LRRC4C: variants seen among roughly 807,000 people sequenced by gnomAD.
LRRC4C encodes the protein leucine rich repeat containing 4C.
In LRRC4C, 5 loss-of-function variants were observed where a neutral mutation model predicts 33.6. The ratio of observed to expected loss-of-function variants is 0.15; its 90% CI spans 0.08 to 0.31. LRRC4C has a LOEUF of 0.31. Among genes scored for constraint, LRRC4C ranks in the 10% least tolerant of loss-of-function variants. The probability of loss-of-function intolerance (pLI) is 1.00; values close to 1 mark genes in which losing one functional copy is unlikely to be tolerated. For synonymous variants in LRRC4C, 329 were observed against 302.0 expected, an observed-to-expected ratio of 1.09 and a Z score of -0.93; for missense variants, 560 against 796.7, an observed-to-expected ratio of 0.70 and a Z score of 3.58.
intron 2 of LRRC4C, among the ~76,000 whole-genome samples, chr11:40,658,648 A>G (rs1052233926): frequency 1.3e-5 from 2 of 152,178 alleles, no homozygotes; most frequent in East Asian, 1.9e-4. Flanking sequence ...AAGAAATTGT[A>G]TTCTCAGGAT....
rs576243940 is a variant in LRRC4C at position 41,178,967 on chromosome 11, C to T, written c.-495-245244G>A. The stretch of plus-strand genomic sequence containing the variant: ...CCACCCACCTCAGCCTCCCAAAGTG[C>T]TGGGATTACAAGCCTGAGCCACCGT... On this transcript the variant is annotated intron_variant, in intron 1 of 6. Coordinates refer to ENST00000528697, the MANE Select transcript of LRRC4C (RefSeq NM_001258419.2). Among the ~76,000 whole-genome samples the T allele has an allele frequency of 3.3e-5, 5 of 152,196 alleles. No individual in the cohort carries two copies. In the South Asian group the frequency reaches 1.0e-3, roughly 32 times the overall value.
intron 1 of LRRC4C, among the ~76,000 whole-genome samples, chr11:41,385,768 C>CA (rs1329858450): frequency 6.6e-6 from 1 of 151,278 alleles, no homozygotes; most frequent in African/African-American, 2.4e-5. Context: ...TAATCAAATT[C>CA]AAAAGAAACG....
At chr11:40,545,606 TC>T (rs1444688314) in intron 3 of LRRC4C, among the ~76,000 whole-genome samples, 4 of 151,952 alleles carry the variant, frequency 2.6e-5, no homozygotes, top group Non-Finnish European at 5.9e-5. Context: ...GGAAGACCCC[TC>T]TATTGCTGTG....
chr11:40,229,823 C>T (rs1865074639), intron 5 of LRRC4C, among the ~76,000 whole-genome samples: 1 of 152,142 alleles, frequency 6.6e-6, no homozygotes, highest in Admixed American at 6.6e-5. Context: ...GATAGTTTTG[C>T]ACCTTACACT....
intron 2 of LRRC4C, among the ~76,000 whole-genome samples, chr11:40,720,782 C>T (rs1379446882): frequency 1.3e-5 from 2 of 152,130 alleles, no homozygotes; most frequent in African/African-American, 4.8e-5. Flanking sequence ...CTGTTTAATT[C>T]ACAGAATAAA....
In LRRC4C at chr11:40,229,517, C is replaced by T. The variant is rs1017212437; in HGVS notation, c.-96+12002G>A. Among the ~76,000 whole-genome samples, 21 of 152,148 alleles carry T rather than the reference C, an allele frequency of 1.4e-4. 1 individual carries two copies. The highest frequency in any genetic ancestry group is 5.2e-4 in the Admixed American group (8 of 15,274). On this transcript the variant is annotated intron_variant, in intron 5 of 6. Coordinates refer to ENST00000528697, the MANE Select transcript of LRRC4C (RefSeq NM_001258419.2). ...TGAACTCCTGACCTCAAATAATCCACCCACCTCAGCCTCCCAAAGGGCTGG... is the reference window on the plus strand; with the variant it reads ...TGAACTCCTGACCTCAAATAATCCATCCACCTCAGCCTCCCAAAGGGCTGG...
chr11:41,351,178 A>G (rs2137569282), intron 1 of LRRC4C, among the ~76,000 whole-genome samples: 1 of 152,134 alleles, frequency 6.6e-6, no homozygotes, highest in East Asian at 1.9e-4. Context: ...GTCTTCAGTG[A>G]GCTATGTATG....
intron 1 of LRRC4C, among the ~76,000 whole-genome samples, chr11:41,437,213 C>T (rs571202442): frequency 3.0e-4 from 45 of 152,284 alleles, no homozygotes; most frequent in African/African-American, 9.1e-4. Context: ...TGATTCACCT[C>T]TGAAAATACA....
intron 3 of LRRC4C, among the ~76,000 whole-genome samples, chr11:40,462,212 C>G (rs547338443): frequency 8.5e-5 from 13 of 152,114 alleles, no homozygotes; most frequent in African/African-American, 3.1e-4. Flanking sequence ...ACTAAACATT[C>G]TTTCTATTCA....
At chr11:40,189,824 A>T (rs1350507365) in intron 5 of LRRC4C, among the ~76,000 whole-genome samples, 1 of 152,242 alleles carries the variant, frequency 6.6e-6, no homozygotes, top group African/African-American at 2.4e-5. Flanking sequence ...ACAACTTTTA[A>T]GGATAACATT....
Position 40,992,105 on chromosome 11 carries a change from C to T in LRRC4C, c.-495-58382G>A, listed in dbSNP as rs1383312279. Among the ~76,000 whole-genome samples the T allele has an allele frequency of 5.9e-5, 9 of 152,074 alleles. No individual in the cohort carries two copies. In the South Asian group the frequency reaches 8.3e-4, roughly 14 times the overall value. ...CACATATCACATATCCACAATTAAC[C>T]GAAAAGGCAATTAAAATGTTGTCCT... On this transcript the variant is annotated intron_variant, in intron 1 of 6. Coordinates refer to ENST00000528697, the MANE Select transcript of LRRC4C (RefSeq NM_001258419.2).
At chr11:40,447,848 G>A (rs569297108) in intron 3 of LRRC4C, among the ~76,000 whole-genome samples, 15 of 152,198 alleles carry the variant, frequency 9.9e-5, no homozygotes, top group Admixed American at 2.0e-4. Flanking sequence ...ACTGAGTCTC[G>A]CTCTGTTGCC....
At chr11:40,136,533 C>T (rs1382845074) in intron 6 of LRRC4C, among the ~76,000 whole-genome samples, 2 of 151,884 alleles carry the variant, frequency 1.3e-5, no homozygotes, top group African/African-American at 4.8e-5. Flanking sequence ...ACCTCGGCCT[C>T]CCAAAGTGCT....
chr11:40,407,255 A>G (rs1290872120), intron 3 of LRRC4C, among the ~76,000 whole-genome samples: 1 of 152,144 alleles, frequency 6.6e-6, no homozygotes, highest in Non-Finnish European at 1.5e-5. Flanking sequence ...TTGACAAAGC[A>G]AAGAGTCTAC....
At chr11:40,181,190 C>A (rs1377698919) in intron 5 of LRRC4C, among the ~76,000 whole-genome samples, 1 of 152,196 alleles carries the variant, frequency 6.6e-6, no homozygotes, top group Non-Finnish European at 1.5e-5. Context: ...TCCTCCCTCC[C>A]ATCCTCCTTC....
intron 2 of LRRC4C, among the ~76,000 whole-genome samples, chr11:40,828,206 A>C (rs1952250385): frequency 1.3e-5 from 2 of 151,386 alleles, no homozygotes; most frequent in Non-Finnish European, 3.0e-5. Flanking sequence ...AATATATAGC[A>C]TATAAGTATA....
At chr11:40,897,681 A>T (rs2136160847) in intron 2 of LRRC4C, among the ~76,000 whole-genome samples, 1 of 152,368 alleles carries the variant, frequency 6.6e-6, no homozygotes, top group East Asian at 1.9e-4. Context: ...TCTGCTAACG[A>T]TAGAAAAAGC....
intron 2 of LRRC4C, among the ~76,000 whole-genome samples, chr11:40,898,947 T>C (rs1329799595): frequency 6.6e-6 from 1 of 152,160 alleles, no homozygotes; most frequent in African/African-American, 2.4e-5. Flanking sequence ...TTTCCTTAGA[T>C]ACATACATTA....
intron 1 of LRRC4C, among the ~76,000 whole-genome samples, chr11:40,986,972 A>G (rs1853062444): frequency 1.3e-5 from 2 of 152,354 alleles, no homozygotes; most frequent in South Asian, 4.1e-4. Context: ...GATAATTAAT[A>G]GCAACATCAG....
Sources: allele counts gnomAD v4.1 joint callset (sites outside exome capture counted in the v4.1 genomes callset), GRCh38; gene constraint gnomAD v4.1.1; transcripts MANE v1.5; gene names NCBI Gene and HGNC (gene_info 2026-07-23, HGNC 2026-07-21).